Variants in ADGRV1 observed in about 807,000 individuals in gnomAD.
ADGRV1 encodes the protein G-protein coupled receptor 98.
Under a neutral mutation model 596.2 loss-of-function variants are expected in ADGRV1, and 359 were observed. The ratio of observed to expected loss-of-function variants is 0.60; its 90% CI spans 0.55 to 0.66. The LOEUF (loss-of-function observed/expected upper bound fraction) is 0.66, where lower values mean the gene tolerates loss of function less well. ADGRV1 is among the 30% of genes least tolerant of loss of function. ADGRV1 has a pLI of 0.00. For missense variants in ADGRV1, 7,274 were observed against 7,575.6 expected (o/e 0.96, Z 1.48); for synonymous variants, 2,681 against 2,679.2 (o/e 1.00, Z -0.02).
chr5:90,976,908 A>G (rs775698083), intron 84 of ADGRV1, among the ~76,000 whole-genome samples: 2 of 152,188 alleles, frequency 1.3e-5, no homozygotes, highest in Admixed American at 6.5e-5. Context: ...TGAAGAACAC[A>G]TTTTTAAAAT....
chr5:90,613,511 G>C (rs545195779), intron 1 of ADGRV1, among the ~76,000 whole-genome samples: 1 of 152,140 alleles, frequency 6.6e-6, no homozygotes, highest in Non-Finnish European at 1.5e-5. Flanking sequence ...ACAGGGAAGA[G>C]TTTGCAGCTG....
intron 87 of ADGRV1, among the ~76,000 whole-genome samples, chr5:91,138,271 T>G (rs891830005): frequency 1.3e-5 from 2 of 152,184 alleles, no homozygotes; most frequent in Non-Finnish European, 2.9e-5. Context: ...AATTGTAATT[T>G]TACAAAAGTT....
chr5:90,791,649 G>A (rs1034291712), intron 70 of ADGRV1: 7 of 308,006 alleles, frequency 2.3e-5, no homozygotes, highest in Non-Finnish European at 6.0e-6. Context: ...ATGGACATGT[G>A]TATGCACACG....
Position 90,840,805 on chromosome 5 carries a change from G to A in ADGRV1, c.16839G>A (p.Gly5613=). The change falls in exon 78 of 90, where the codon GGG becomes GGA. Residue 5613 remains glycine, a synonymous_variant. Transcript: ENST00000405460. ...GTGCCAGAATTGATAAAGTGTATGGGACTGCCAACATCACTCTTGTCTCAG... is the reference window on the plus strand; with the variant it reads ...GTGCCAGAATTGATAAAGTGTATGGAACTGCCAACATCACTCTTGTCTCAG... The part of the protein sequence containing the change: ...KGGARIDKVY[G]TANITLVSDA... 1 of 1,613,854 alleles carries A rather than the reference G, an allele frequency of 6.2e-7. No individual in the cohort carries two copies. Among genetic ancestry groups the A allele is most frequent in the Non-Finnish European group, 8.5e-7 (1 of 1,179,852 alleles).
At chr5:90,817,000 A>G (rs960194084) in intron 75 of ADGRV1, among the ~76,000 whole-genome samples, 1 of 152,074 alleles carries the variant, frequency 6.6e-6, no homozygotes, top group African/African-American at 2.4e-5. Context: ...GACTTCCACA[A>G]TGGTTGAACT....
chr5:90,967,593 A>G (rs988614860), intron 84 of ADGRV1, among the ~76,000 whole-genome samples: 2 of 152,086 alleles, frequency 1.3e-5, no homozygotes, highest in Non-Finnish European at 2.9e-5. Flanking sequence ...CATGCCCCTG[A>G]CCTATTCAGA....
chr5:90,654,236 A>G, intron 20 of ADGRV1: 1 of 402,754 alleles, frequency 2.5e-6, no homozygotes, highest in East Asian at 5.3e-5. Context: ...GACAGAAAAA[A>G]ATATGAAAGA....
chr5:90,783,093 C>T (rs776642140), intron 65 of ADGRV1, 31 bp from the exon 66 acceptor site: 1 of 1,585,578 alleles, frequency 6.3e-7, no homozygotes, highest in Admixed American at 1.7e-5. Context: ...CTCTGTCTGG[C>T]TTACCAATTA....
At chr5:91,138,758 A>G (rs1027285775) in intron 87 of ADGRV1, among the ~76,000 whole-genome samples, 2 of 150,906 alleles carry the variant, frequency 1.3e-5, no homozygotes, top group African/African-American at 4.9e-5. Flanking sequence ...CATTTTGCCA[A>G]TTTTATTGGT....
chr5:90,851,904 G>A (rs1194681618), intron 79 of ADGRV1, among the ~76,000 whole-genome samples: 1 of 152,164 alleles, frequency 6.6e-6, no homozygotes, highest in Non-Finnish European at 1.5e-5. Context: ...GATGACAAAG[G>A]GTGGGAGGGG....
intron 59 of ADGRV1, among the ~76,000 whole-genome samples, chr5:90,765,429 CCA>C (rs531033246): frequency 0.036 from 4,836 of 136,108 alleles, 90 homozygotes; most frequent in African/African-American, 0.066. Flanking sequence ...AAATCACAGA[CCA>C]CACACACACA....
At chr5:90,630,953 C>A (rs900815421) in intron 9 of ADGRV1, among the ~76,000 whole-genome samples, 2 of 151,988 alleles carry the variant, frequency 1.3e-5, no homozygotes, top group African/African-American at 2.4e-5. Flanking sequence ...TGATCTGTTG[C>A]GTTTCTCTTT....
intron 87 of ADGRV1, among the ~76,000 whole-genome samples, chr5:91,144,959 T>C (rs1452377948): frequency 6.6e-6 from 1 of 152,230 alleles, no homozygotes; most frequent in East Asian, 1.9e-4. Flanking sequence ...GAGCCTGAGA[T>C]TTAACATGCA....
chr5:90,564,620 T>C (rs1327865654), intron 1 of ADGRV1, among the ~76,000 whole-genome samples: 1 of 45,994 alleles, frequency 2.2e-5, no homozygotes, highest in Non-Finnish European at 4.2e-5. Flanking sequence ...TTAATATATA[T>C]ATATATTTTT....
At chr5:90,815,246 C>T (rs1472083774) in intron 74 of ADGRV1, among the ~76,000 whole-genome samples, 1 of 151,924 alleles carries the variant, frequency 6.6e-6, no homozygotes, top group Non-Finnish European at 1.5e-5. Flanking sequence ...GATACAGTAG[C>T]GAATAAAAGT....
intron 83 of ADGRV1, among the ~76,000 whole-genome samples, chr5:90,951,118 G>A (rs1777027959): frequency 6.6e-6 from 1 of 152,076 alleles, no homozygotes; most frequent in African/African-American, 2.4e-5. Context: ...GCATCTAGAT[G>A]GTCCTCTCTT....
At chr5:91,107,791 A>T (rs933907411) in intron 87 of ADGRV1, among the ~76,000 whole-genome samples, 1 of 152,186 alleles carries the variant, frequency 6.6e-6, no homozygotes, top group Non-Finnish European at 1.5e-5. Context: ...AAATAAATAT[A>T]AGCCTTAGGA....
At chr5:91,077,132 G>A (rs1788929286) in intron 86 of ADGRV1, among the ~76,000 whole-genome samples, 1 of 152,152 alleles carries the variant, frequency 6.6e-6, no homozygotes, top group Admixed American at 6.6e-5. Flanking sequence ...ATACAGAATA[G>A]CCAAAGAATA....
intron 85 of ADGRV1, among the ~76,000 whole-genome samples, chr5:91,001,741 T>C (rs1645631338): frequency 1.3e-5 from 2 of 152,234 alleles, no homozygotes; most frequent in Admixed American, 6.5e-5. Flanking sequence ...ACATTTTTCT[T>C]CAATTACATC....
Sources: allele counts gnomAD v4.1 joint callset (sites outside exome capture counted in the v4.1 genomes callset), GRCh38; gene constraint gnomAD v4.1.1; transcripts MANE v1.5; gene names NCBI Gene and HGNC (gene_info 2026-07-23, HGNC 2026-07-21).